Variants in HPSE2 observed in about 807,000 individuals in gnomAD.
HPSE2 encodes inactive heparanase-2.
In HPSE2, 38 loss-of-function variants were observed where a neutral mutation model predicts 60.5. The observed-to-expected ratio is 0.63, with a 90% CI of 0.48 to 0.82. The LOEUF (loss-of-function observed/expected upper bound fraction) is 0.82. HPSE2 is among the 40% of genes least tolerant of loss of function. The pLI is 0.00. For missense variants in HPSE2, 713 were observed against 740.4 expected (o/e 0.96, Z 0.43); for synonymous variants, 295 against 293.2 (o/e 1.01, Z -0.06).
chr10:98,628,587 G>A (rs1274568801), intron 7 of HPSE2, among the ~76,000 whole-genome samples: 4 of 152,168 alleles, frequency 2.6e-5, no homozygotes, highest in African/African-American at 9.7e-5. Flanking sequence ...GAGCTGAGTG[G>A]TTGGCTGCCT....
intron 2 of HPSE2, among the ~76,000 whole-genome samples, chr10:99,199,568 G>C (rs1269587404): frequency 6.6e-6 from 1 of 152,106 alleles, no homozygotes; most frequent in Non-Finnish European, 1.5e-5. Context: ...TGGCACCCTT[G>C]TCAAGGATTA....
chr10:98,983,861 G>A (rs991321128), intron 3 of HPSE2, among the ~76,000 whole-genome samples: 15 of 152,176 alleles, frequency 9.9e-5, no homozygotes, highest in African/African-American at 1.7e-4. Context: ...CGCCTGGCTC[G>A]GAGGGACCTA....
chr10:98,521,178 G>T (rs531111959), intron 9 of HPSE2, among the ~76,000 whole-genome samples: 1 of 152,274 alleles, frequency 6.6e-6, no homozygotes, highest in East Asian at 1.9e-4. Flanking sequence ...CACGGCAAAA[G>T]AAACTACCAT....
intron 2 of HPSE2, among the ~76,000 whole-genome samples, chr10:99,175,228 T>G (rs1410345533): frequency 6.6e-6 from 1 of 152,060 alleles, no homozygotes; most frequent in African/African-American, 2.4e-5. Context: ...AGTTTTTTTG[T>G]TTTTTTCATA....
At chr10:98,464,668 G>A (rs571240176) in intron 11 of HPSE2, among the ~76,000 whole-genome samples, 1 of 152,194 alleles carries the variant, frequency 6.6e-6, no homozygotes, top group Admixed American at 6.5e-5. Context: ...CACAGAGTAG[G>A]GGCTAAATAT....
intron 2 of HPSE2, among the ~76,000 whole-genome samples, chr10:99,184,809 TATATATATATAG>T (rs1199057496): frequency 3.9e-4 from 15 of 38,042 alleles, no homozygotes; most frequent in African/African-American, 8.6e-4. Flanking sequence ...TATATATATA[TATATATATATAG>T]AGAGAGAGAG....
At chr10:99,275,490 A>G in the HPSE2 span, among the ~76,000 whole-genome samples, 1 of 152,164 alleles carries the variant, frequency 6.6e-6, no homozygotes, top group Non-Finnish European at 1.5e-5. Context: ...ACCAACACAT[A>G]AAGTGGACTT....
At chr10:98,815,271 G>A (rs1361777362) in intron 3 of HPSE2, among the ~76,000 whole-genome samples, 1 of 152,168 alleles carries the variant, frequency 6.6e-6, no homozygotes, top group East Asian at 1.9e-4. Flanking sequence ...AACAGAGCAA[G>A]ACACTACCTC....
chr10:98,928,843 TGGGGGGA>T (rs1435004681), intron 3 of HPSE2, among the ~76,000 whole-genome samples: 4 of 42,970 alleles, frequency 9.3e-5, no homozygotes, highest in African/African-American at 4.9e-4. Context: ...TGTTGTGGGG[TGGGGGGA>T]GGGGGGAGGG....
At chr10:98,887,026 T>C (rs1357291622) in intron 3 of HPSE2, among the ~76,000 whole-genome samples, 2 of 152,144 alleles carry the variant, frequency 1.3e-5, no homozygotes, top group Non-Finnish European at 2.9e-5. Context: ...TTTATAGAGA[T>C]AGTACAAAGG....
chr10:98,489,971 G>GT (rs1941582242), intron 10 of HPSE2, 80 bp downstream of exon 10: 1 of 1,532,110 alleles, frequency 6.5e-7, no homozygotes, highest in African/African-American at 1.4e-5. Flanking sequence ...AGTGAATGGA[G>GT]ATGAGTCTTG....
At chr10:99,189,135 A>G (rs139727640) in intron 2 of HPSE2, among the ~76,000 whole-genome samples, 2,440 of 152,306 alleles carry the variant, frequency 0.016, 34 homozygotes, top group Middle Eastern at 0.058. Flanking sequence ...AAATTAATTA[A>G]CTCATCCAGA....
At chr10:98,963,964 C>A (rs1217173244) in intron 3 of HPSE2, among the ~76,000 whole-genome samples, 11 of 152,056 alleles carry the variant, frequency 7.2e-5, no homozygotes, top group Non-Finnish European at 2.9e-5. Flanking sequence ...AAACCTAATG[C>A]CCGATGGAGA....
intron 3 of HPSE2, among the ~76,000 whole-genome samples, chr10:99,141,368 C>G (rs1845860975): frequency 6.6e-6 from 1 of 152,110 alleles, no homozygotes; most frequent in African/African-American, 2.4e-5. Flanking sequence ...TCCATCATCT[C>G]CCTGTAACCT....
At chr10:98,795,239 GTTTTAACTTCA>G (rs1266653382) in intron 3 of HPSE2, among the ~76,000 whole-genome samples, 13 of 152,322 alleles carry the variant, frequency 8.5e-5, no homozygotes, top group Admixed American at 8.5e-4. Context: ...ACACTACCTG[GTTTTAACTTCA>G]TATAACTGAA....
chr10:99,239,753 T>C (rs936860589), upstream of HPSE2, among the ~76,000 whole-genome samples: 1 of 151,870 alleles, frequency 6.6e-6, no homozygotes, highest in African/African-American at 2.4e-5. Flanking sequence ...TTTTATATTA[T>C]CTAGTAAGGA....
chr10:99,215,769 C>T (rs182780787), intron 2 of HPSE2, among the ~76,000 whole-genome samples: 121 of 152,224 alleles, frequency 7.9e-4, no homozygotes, highest in Non-Finnish European at 1.4e-3. Flanking sequence ...AGGAAACGGC[C>T]ACGGAGTGAG....
At chr10:98,957,668 T>C (rs1412980211) in intron 3 of HPSE2, among the ~76,000 whole-genome samples, 1 of 152,186 alleles carries the variant, frequency 6.6e-6, no homozygotes, top group African/African-American at 2.4e-5. Flanking sequence ...TGGCTCTGGT[T>C]CTTGAGTCTC....
chr10:99,306,957 G>A, the HPSE2 span, among the ~76,000 whole-genome samples: 14 of 152,220 alleles, frequency 9.2e-5, no homozygotes, highest in South Asian at 2.1e-4. Flanking sequence ...TGATCCGCCC[G>A]CCTCAGCCTC....
Sources: gnomAD v4.1 joint callset for allele counts (sites outside exome capture counted in the v4.1 genomes callset) on GRCh38, gnomAD v4.1.1 for gene constraint, MANE v1.5 for transcripts, NCBI Gene and HGNC (gene_info 2026-07-23, HGNC 2026-07-21) for gene names.